The following ADGRV1 variants were observed in gnomAD, a reference collection of about 807,000 sequenced individuals.
ADGRV1 encodes the protein adhesion G protein-coupled receptor V1.
ADGRV1 carries 359 observed loss-of-function variants against 596.2 expected under a neutral mutation model. That is an observed-to-expected ratio of 0.60 (90% CI 0.55 to 0.66). The LOEUF (loss-of-function observed/expected upper bound fraction) is 0.66, where lower values mean the gene tolerates loss of function less well. Ranked by LOEUF, ADGRV1 falls within the 30% of genes least tolerant of loss-of-function variation. The probability of loss-of-function intolerance (pLI) is 0.00; values close to 1 mark genes in which losing one functional copy is unlikely to be tolerated. For missense variants in ADGRV1, 7,274 were observed against 7,575.6 expected (o/e 0.96, Z 1.48); for synonymous variants, 2,681 against 2,679.2 (o/e 1.00, Z -0.02).
At chr5:90,676,441 T>A (rs1325598378) in intron 25 of ADGRV1, among the ~76,000 whole-genome samples, 2 of 152,176 alleles carry the variant, frequency 1.3e-5, no homozygotes, top group Non-Finnish European at 2.9e-5. Flanking sequence ...TGATTGATAA[T>A]CCCTTTCTTG....
At chr5:90,991,432 G>A (rs1780952621) in intron 85 of ADGRV1, among the ~76,000 whole-genome samples, 1 of 152,020 alleles carries the variant, frequency 6.6e-6, no homozygotes, top group African/African-American at 2.4e-5. Flanking sequence ...ATTGATTACT[G>A]TTTTTTAGTT....
intron 1 of ADGRV1, among the ~76,000 whole-genome samples, chr5:90,598,514 C>G (rs1202146153): frequency 6.6e-6 from 1 of 152,158 alleles, no homozygotes; most frequent in Non-Finnish European, 1.5e-5. Flanking sequence ...ACGTGCTGAC[C>G]CGTGCCAGGA....
At chr5:91,010,933 A>G (rs1782671514) in intron 85 of ADGRV1, among the ~76,000 whole-genome samples, 1 of 151,990 alleles carries the variant, frequency 6.6e-6, no homozygotes, top group Non-Finnish European at 1.5e-5. Flanking sequence ...GATTTTCAGC[A>G]TAGTGCACTT....
intron 76 of ADGRV1, among the ~76,000 whole-genome samples, chr5:90,823,858 C>A (rs1763832815): frequency 6.6e-6 from 1 of 152,034 alleles, no homozygotes; most frequent in Non-Finnish European, 1.5e-5. Context: ...GGTTTAACTT[C>A]TTTTATTTGT....
At chr5:90,678,011 C>A (rs1018221498) in intron 25 of ADGRV1, among the ~76,000 whole-genome samples, 2 of 152,152 alleles carry the variant, frequency 1.3e-5, no homozygotes, top group Non-Finnish European at 2.9e-5. Context: ...CTTACGCTAG[C>A]CAAAGTATAT....
At position 90,652,417 on chromosome 5, in the gene ADGRV1, T is replaced by C. The variant is rs1561461218; in HGVS notation, c.3488T>C (p.Leu1163Ser). The C allele has an allele frequency of 2.5e-6, 4 of 1,613,004 alleles. No homozygotes were observed. The highest frequency in any genetic ancestry group is 1.3e-5 in the African/African-American group (1 of 75,040). Reference protein sequence around the residue: ...SWQLFQNDSALQPGQEFYETS... With the variant: ...SWQLFQNDSASQPGQEFYETS... ...CAGCTCTTTCAGAATGATTCTGCTT[T>C]GCAGCCTGGGCAGGAGTTCTATGAA... Residue 1163 changes from leucine (L) to serine (S), a missense_variant, in exon 19 of 90, where the codon TTG (leucine) becomes TCG (serine). Coordinates refer to ENST00000405460, the MANE Select transcript of ADGRV1 (RefSeq NM_032119.4).
In ADGRV1 at chr5:90,810,783, G is replaced by A. The variant is rs535921202; in HGVS notation, c.15523G>A (p.Val5175Met). 2.8e-5 allele frequency: 45 copies of A among 1,613,846 alleles called. No homozygotes were observed. Among genetic ancestry groups the A allele is most frequent in the Admixed American group, 6.7e-5 (4 of 60,016 alleles). The change falls in exon 74 of 90, where the codon GTG (valine) becomes ATG (methionine). Residue 5175 changes from valine (V) to methionine (M), a missense_variant. By Grantham distance (21) the Val-to-Met change is conservative. Coordinates refer to ENST00000405460, the MANE Select transcript of ADGRV1 (RefSeq NM_032119.4). Reference protein sequence around the residue: ...KTTTILQPTNVVAIVTEATGV... With the variant: ...KTTTILQPTNMVAIVTEATGV... ...GACTACCATTCTGCAGCCAACCAAC[G>A]TGGTTGCCATTGTTACTGAGGCAAC... is the stretch of plus-strand genomic sequence containing the variant.
chr5:90,913,423 A>G (rs1297345702), intron 83 of ADGRV1, among the ~76,000 whole-genome samples: 2 of 152,178 alleles, frequency 1.3e-5, no homozygotes, highest in Non-Finnish European at 2.9e-5. Flanking sequence ...TCTTATTTTT[A>G]TAATTTGGTA....
At chr5:90,595,863 C>T (rs375199905) in intron 1 of ADGRV1, among the ~76,000 whole-genome samples, 20 of 148,650 alleles carry the variant, frequency 1.3e-4, no homozygotes, top group Admixed American at 4.7e-4. Context: ...CCCTCCCGGA[C>T]GGGGCGGCTG....
intron 87 of ADGRV1, among the ~76,000 whole-genome samples, chr5:91,131,147 G>C (rs556428473): frequency 1.1e-3 from 171 of 152,350 alleles, no homozygotes; most frequent in African/African-American, 3.7e-3. Flanking sequence ...TAATGGGATG[G>C]CTGGATAGAA....
chr5:90,721,391 CT>C (rs1231932218), intron 45 of ADGRV1, among the ~76,000 whole-genome samples: 8 of 151,874 alleles, frequency 5.3e-5, no homozygotes, highest in Admixed American at 5.2e-4. Flanking sequence ...GTGGTCCCAG[CT>C]ACTCGGGAGG....
At chr5:90,855,180 A>G (rs1766907652) in intron 81 of ADGRV1, among the ~76,000 whole-genome samples, 1 of 152,188 alleles carries the variant, frequency 6.6e-6, no homozygotes, top group Non-Finnish European at 1.5e-5. Flanking sequence ...AAATTATGAC[A>G]TGGTTTTTCT....
intron 83 of ADGRV1, among the ~76,000 whole-genome samples, chr5:90,960,657 C>T (rs1056299205): frequency 1.2e-4 from 18 of 151,922 alleles, no homozygotes; most frequent in Admixed American, 8.5e-4. Context: ...AGGAATCTGC[C>T]GTGATCAGAG....
At chr5:91,130,626 CTT>C (rs1582148202) in intron 87 of ADGRV1, among the ~76,000 whole-genome samples, 4 of 151,452 alleles carry the variant, frequency 2.6e-5, no homozygotes, top group East Asian at 3.9e-4. Flanking sequence ...ATGACAGACT[CTT>C]TTCATTTTTT....
At chr5:90,888,155 G>A (rs1366824525) in intron 83 of ADGRV1, among the ~76,000 whole-genome samples, 1 of 152,148 alleles carries the variant, frequency 6.6e-6, no homozygotes, top group Non-Finnish European at 1.5e-5. Flanking sequence ...ACTACAATGT[G>A]TATGAGATCT....
At chr5:90,735,722 G>A (rs1019533390) in intron 50 of ADGRV1, among the ~76,000 whole-genome samples, 7 of 151,536 alleles carry the variant, frequency 4.6e-5, no homozygotes, top group African/African-American at 1.5e-4. Context: ...TATACCAGTC[G>A]TTCGTCTTTA....
intron 1 of ADGRV1, among the ~76,000 whole-genome samples, chr5:90,577,261 A>C (rs1199229016): frequency 6.6e-6 from 1 of 152,190 alleles, no homozygotes; most frequent in Non-Finnish European, 1.5e-5. Context: ...TCAAACATTT[A>C]AGTCTTTAAT....
At position 90,705,445 on chromosome 5, in the gene ADGRV1, C is replaced by G. The variant is rs1295413448; in HGVS notation, c.8432C>G (p.Ala2811Gly). The stretch of plus-strand genomic sequence containing the variant: ...GCCCTGCTTGATGCTCAAGGATATG[C>G]AGCTGTCCTCACAGTAGAAGCCAGT... ...GIALLDAQGY[A>G]AVLTVEASDE... is the part of the protein sequence containing the mutation. The change falls in exon 37 of 90, where the codon GCA becomes GGA. Residue 2811 changes from alanine to glycine, a missense_variant. Transcript: ENST00000405460. The G allele has an allele frequency of 8.1e-6, 13 of 1,613,902 alleles. No homozygotes were observed. Among genetic ancestry groups the G allele is most frequent in the Non-Finnish European group, 1.1e-5 (13 of 1,179,824 alleles).
intron 83 of ADGRV1, among the ~76,000 whole-genome samples, chr5:90,886,185 A>C (rs950826074): frequency 6.6e-6 from 1 of 152,102 alleles, no homozygotes; most frequent in Non-Finnish European, 1.5e-5. Flanking sequence ...AGGAACTCTG[A>C]TCATATTCTC....
Sources: allele counts gnomAD v4.1 joint callset (sites outside exome capture counted in the v4.1 genomes callset), GRCh38; gene constraint gnomAD v4.1.1; transcripts MANE v1.5; gene names NCBI Gene and HGNC (gene_info 2026-07-23, HGNC 2026-07-21).